SLC12A8: variants seen among roughly 807,000 people sequenced by gnomAD.
The protein encoded by SLC12A8 is cation-chloride cotransporter 9.
A neutral mutation model predicts 75.6 loss-of-function variants in SLC12A8; 69 were observed. The observed-to-expected ratio is 0.91, with a 90% confidence interval of 0.75 to 1.11. The LOEUF is 1.11. Among genes scored for constraint, SLC12A8 ranks in the 50% most tolerant of loss-of-function variants. SLC12A8 has a pLI of 0.00. For missense variants in SLC12A8, 877 were observed against 896.7 expected (o/e 0.98, Z 0.28); for synonymous variants, 365 against 372.8 (o/e 0.98, Z 0.24).
chr3:125,163,337 G>A (rs1934215327), intron 5 of SLC12A8, among the ~76,000 whole-genome samples: 2 of 152,018 alleles, frequency 1.3e-5, no homozygotes, highest in Admixed American at 1.3e-4. Flanking sequence ...GCCGGGTGCG[G>A]TGGTTCACGC....
intron 5 of SLC12A8, among the ~76,000 whole-genome samples, chr3:125,168,338 C>T (rs1480252588): frequency 6.6e-6 from 1 of 152,110 alleles, no homozygotes; most frequent in Admixed American, 6.6e-5. Flanking sequence ...AAAAGGCTAA[C>T]TAAAGAGAGG....
intron 8 of SLC12A8, among the ~76,000 whole-genome samples, chr3:125,118,184 G>T (rs574557022): frequency 6.6e-6 from 1 of 152,344 alleles, no homozygotes; most frequent in East Asian, 1.9e-4. Context: ...TTTTTGACAG[G>T]AAGAGATGTC....
intron 5 of SLC12A8, among the ~76,000 whole-genome samples, chr3:125,164,259 C>T (rs1287893480): frequency 6.6e-6 from 1 of 152,194 alleles, no homozygotes; most frequent in Non-Finnish European, 1.5e-5. Context: ...GAGTCAGGTG[C>T]CTCTGGGTTT....
chr3:125,114,840 A>G (rs1939269880), intron 8 of SLC12A8, among the ~76,000 whole-genome samples: 1 of 152,216 alleles, frequency 6.6e-6, no homozygotes, highest in Non-Finnish European at 1.5e-5. Context: ...TGTAATAAAC[A>G]TCTGTTTCCT....
Position 125,187,253 on chromosome 3 carries a change from A to G in SLC12A8, c.374T>C (p.Leu125Pro). 6.2e-7 allele frequency: 1 copy of G among 1,614,126 alleles called. No individual in the cohort carries two copies. Among genetic ancestry groups the G allele is most frequent in the Admixed American group, 1.7e-5 (1 of 60,026 alleles). ...AGGCCTCACCTGTCCAAACACATAG[A>G]GCAGCCCGATGGTGCCTCCCGTCTG... ...GGQTGGTIGL[L>P]YVFGQCVAGA... The change falls in exon 4 of 14, where the codon CTC (leucine) becomes CCC (proline). Residue 125 changes from leucine (L) to proline (P), a missense_variant. Physicochemically the swap from Leu to Pro is moderately conservative, Grantham distance 98 (BLOSUM62 -3). Transcript: ENST00000469902.
At chr3:125,106,218 C>CT (rs1156326193) in intron 10 of SLC12A8, among the ~76,000 whole-genome samples, 3 of 151,870 alleles carry the variant, frequency 2.0e-5, no homozygotes, top group African/African-American at 4.8e-5. Context: ...TATTATTTGG[C>CT]TTATTAAATT....
intron 9 of SLC12A8, among the ~76,000 whole-genome samples, chr3:125,108,759 G>A (rs1246115602): frequency 2.0e-5 from 3 of 152,182 alleles, no homozygotes; most frequent in South Asian, 4.1e-4. Flanking sequence ...TTTAATACCA[G>A]CATAGAAAAT....
intron 2 of SLC12A8, among the ~76,000 whole-genome samples, chr3:125,190,896 C>T (rs143382419): frequency 4.5e-4 from 68 of 152,262 alleles, no homozygotes; most frequent in African/African-American, 1.6e-3. Context: ...GAGTTCTAGC[C>T]CATGGAATGC....
At chr3:125,206,205 C>A (rs974295541) in intron 2 of SLC12A8, among the ~76,000 whole-genome samples, 1 of 152,166 alleles carries the variant, frequency 6.6e-6, no homozygotes, top group African/African-American at 2.4e-5. Flanking sequence ...AATGAGCACT[C>A]AGAAAATATG....
intron 6 of SLC12A8, among the ~76,000 whole-genome samples, chr3:125,132,060 A>C (rs1233737471): frequency 6.6e-6 from 1 of 152,228 alleles, no homozygotes; most frequent in Non-Finnish European, 1.5e-5. Context: ...TGGACAGGAC[A>C]ATGGGAAGGC....
chr3:125,143,682 T>C (rs1933702358), intron 5 of SLC12A8, among the ~76,000 whole-genome samples: 1 of 152,212 alleles, frequency 6.6e-6, no homozygotes, highest in Non-Finnish European at 1.5e-5. Flanking sequence ...CCTAGAGCCC[T>C]GCCTGGCCAT....
intron 5 of SLC12A8, among the ~76,000 whole-genome samples, chr3:125,157,022 TC>T (rs1422714742): frequency 5.3e-5 from 8 of 152,232 alleles, no homozygotes; most frequent in Non-Finnish European, 1.0e-4. Context: ...AGATATGTCA[TC>T]AAGCCTCTGT....
chr3:125,135,264 T>A (rs1933457963), intron 6 of SLC12A8, among the ~76,000 whole-genome samples: 1 of 152,204 alleles, frequency 6.6e-6, no homozygotes, highest in African/African-American at 2.4e-5. Context: ...CGATTCCAGG[T>A]ATGCACTTAT....
intron 6 of SLC12A8, among the ~76,000 whole-genome samples, chr3:125,126,309 T>G (rs532949022): frequency 6.6e-6 from 1 of 152,200 alleles, no homozygotes; most frequent in Non-Finnish European, 1.5e-5. Context: ...ACAGTTTCGA[T>G]GGATGGCACC....
chr3:125,142,751 T>C (rs1933679906), intron 5 of SLC12A8, among the ~76,000 whole-genome samples: 1 of 152,206 alleles, frequency 6.6e-6, no homozygotes, highest in Admixed American at 6.5e-5. Context: ...GATCGAACTC[T>C]CAGTAGCACA....
chr3:125,165,085 T>A (rs912686630), intron 5 of SLC12A8, among the ~76,000 whole-genome samples: 1 of 152,212 alleles, frequency 6.6e-6, no homozygotes, highest in Admixed American at 6.5e-5. Context: ...TCACTGTTCC[T>A]GCATCTTTGA....
intron 5 of SLC12A8, among the ~76,000 whole-genome samples, chr3:125,161,550 C>G (rs1032641651): frequency 2.0e-5 from 3 of 152,168 alleles, no homozygotes; most frequent in Admixed American, 2.0e-4. Context: ...TGGTCTTTCT[C>G]TCAAACCTGC....
intron 6 of SLC12A8, among the ~76,000 whole-genome samples, chr3:125,131,030 A>G (rs1373319609): frequency 2.0e-5 from 3 of 152,258 alleles, no homozygotes; most frequent in Non-Finnish European, 4.4e-5. Context: ...GAGAACACTC[A>G]GATGGTTTTC....
intron 10 of SLC12A8, among the ~76,000 whole-genome samples, chr3:125,103,219 C>T (rs1299360111): frequency 1.3e-5 from 2 of 152,076 alleles, no homozygotes; most frequent in African/African-American, 2.4e-5. Context: ...CCAACTCACT[C>T]ACCTCATCCT....
Sources: allele counts gnomAD v4.1 joint callset (sites outside exome capture counted in the v4.1 genomes callset), GRCh38; gene constraint gnomAD v4.1.1; transcripts MANE v1.5; gene names NCBI Gene and HGNC (gene_info 2026-07-23, HGNC 2026-07-21).